Variants in IMPA2 observed in about 807,000 individuals in gnomAD.
The protein encoded by IMPA2 is IMP 2.
Under a neutral mutation model 35.1 loss-of-function variants are expected in IMPA2, and 32 were observed. The observed-to-expected ratio is 0.91, with a 90% CI of 0.69 to 1.23. The LOEUF is 1.23. Ranked by LOEUF, IMPA2 falls within the 50% of genes most tolerant of loss-of-function variation. The pLI, the probability that IMPA2 is intolerant of heterozygous loss-of-function variation, is 0.00. For missense variants in IMPA2, 334 were observed against 387.6 expected (o/e 0.86, Z 1.16); for synonymous variants, 135 against 160.6 (o/e 0.84, Z 1.20).
At chr18:12,009,753 T>C in intron 2 of IMPA2, 130 bp from the exon 3 acceptor site, 1 of 721,136 alleles carries the variant, frequency 1.4e-6, no homozygotes. Context: ...CTGCCTCTGT[T>C]TGACCCAGAG....
At chr18:11,988,915 G>C (rs1255400763) in intron 1 of IMPA2, among the ~76,000 whole-genome samples, 1 of 152,118 alleles carries the variant, frequency 6.6e-6, no homozygotes, top group Non-Finnish European at 1.5e-5. Context: ...TCTACCTCCT[G>C]GGCTCAAGTG....
At chr18:12,025,514 C>T (rs1172558189) in intron 5 of IMPA2, among the ~76,000 whole-genome samples, 1 of 152,220 alleles carries the variant, frequency 6.6e-6, no homozygotes, top group Admixed American at 6.5e-5. Context: ...TCCTGTTGCT[C>T]CACATCCTGG....
rs540965062 is a variant in IMPA2 at position 12,024,287 on chromosome 18, C to T, written c.491-3756C>T. The stretch of plus-strand genomic sequence containing the variant: ...TCACCTGAGATCAGCAGTTTGAGAC[C>T]AGCCTGACCAATATGGTGAAACTCT... On this transcript the variant is annotated intron_variant, in intron 5 of 7. Coordinates refer to ENST00000269159, the MANE Select transcript of IMPA2 (RefSeq NM_014214.3). Among the ~76,000 whole-genome samples the T allele has an allele frequency of 5.3e-5, 8 of 152,234 alleles. No individual in the cohort carries two copies. In the South Asian group the frequency reaches 1.7e-3, roughly 32 times the overall value.
intron 2 of IMPA2, among the ~76,000 whole-genome samples, chr18:12,002,116 T>G (rs1907131271): frequency 6.6e-6 from 1 of 152,230 alleles, no homozygotes; most frequent in African/African-American, 2.4e-5. Context: ...GGGATTTAAT[T>G]GTATTTTAGA....
At chr18:11,986,912 G>A (rs2143774247) in intron 1 of IMPA2, among the ~76,000 whole-genome samples, 1 of 152,366 alleles carries the variant, frequency 6.6e-6, no homozygotes, top group Admixed American at 6.5e-5. Context: ...GTAACTCATG[G>A]TTCAGCCCGG....
At chr18:12,018,321 C>T (rs1203870372) in intron 5 of IMPA2, 1 of 152,336 alleles carries the variant, frequency 6.6e-6, no homozygotes, top group Non-Finnish European at 1.5e-5. Flanking sequence ...GGGTCATGTC[C>T]TCTCTCTGTC....
In IMPA2 at chr18:11,984,014, C is replaced by A. The variant is rs149164030; in HGVS notation, c.96+2249C>A. ...CCCTTCACTAGCACCCAGCATTCTA[C>A]CACTCTGTTGTTCGCTGCTCTCAGC... On this transcript the variant is annotated intron_variant, in intron 1 of 7. Coordinates refer to ENST00000269159, the MANE Select transcript of IMPA2 (RefSeq NM_014214.3). 6.7e-3 allele frequency among the ~76,000 whole-genome samples: 1,015 copies of A among 152,228 alleles called. 9 individuals are homozygous for A. The highest frequency in any genetic ancestry group is 0.022 in the African/African-American group (930 of 41,532).
At chr18:12,008,457 T>C in intron 2 of IMPA2, 1 of 492,654 alleles carries the variant, frequency 2.0e-6, no homozygotes, top group South Asian at 1.5e-5. Flanking sequence ...GCCTCACCCT[T>C]AGTGAACTTG....
At chr18:12,008,585 G>A in intron 2 of IMPA2, 1 of 456,624 alleles carries the variant, frequency 2.2e-6, no homozygotes, top group Non-Finnish European at 4.4e-6. Context: ...GGACCAGCCT[G>A]CAGAAGGTGG....
At chr18:12,013,519 G>A (rs1907491013) in intron 4 of IMPA2, among the ~76,000 whole-genome samples, 1 of 152,188 alleles carries the variant, frequency 6.6e-6, no homozygotes, top group Non-Finnish European at 1.5e-5. Context: ...ATTTGGCCAG[G>A]GTGTTTTTTT....
chr18:11,983,835 A>G (rs1330166406), intron 1 of IMPA2, among the ~76,000 whole-genome samples: 2 of 152,116 alleles, frequency 1.3e-5, no homozygotes, highest in Non-Finnish European at 2.9e-5. Context: ...AGAGGGACAG[A>G]TTGTCTTCTA....
intron 5 of IMPA2, among the ~76,000 whole-genome samples, chr18:12,022,590 T>G (rs757741935): frequency 2.0e-5 from 3 of 146,744 alleles, no homozygotes; most frequent in Non-Finnish European, 4.5e-5. Flanking sequence ...ACCTAAGATA[T>G]GGTAAATATA....
At chr18:11,997,739 C>T (rs1907000858) in intron 1 of IMPA2, among the ~76,000 whole-genome samples, 4 of 152,098 alleles carry the variant, frequency 2.6e-5, no homozygotes, top group Admixed American at 2.6e-4. Flanking sequence ...GGGCACCTGG[C>T]CAATTGATGG....
At chr18:12,007,360 TGACTG>T (rs1448078201) in intron 2 of IMPA2, among the ~76,000 whole-genome samples, 1 of 152,214 alleles carries the variant, frequency 6.6e-6, no homozygotes, top group African/African-American at 2.4e-5. Context: ...CCATATGCGG[TGACTG>T]GCTACTGTAA....
chr18:11,983,457 G>C (rs1906565034), intron 1 of IMPA2, among the ~76,000 whole-genome samples: 1 of 152,184 alleles, frequency 6.6e-6, no homozygotes, highest in African/African-American at 2.4e-5. Context: ...AGGAGTTTCT[G>C]TGGTTTTCAA....
At position 12,030,526 on chromosome 18, in the gene IMPA2, T is replaced by G; in HGVS notation, c.*68T>G. The G allele has an allele frequency of 7.9e-7, 1 of 1,272,304 alleles. No individual in the cohort carries two copies. Among genetic ancestry groups the G allele is most frequent in the Admixed American group, 1.7e-5 (1 of 57,848 alleles). The allele number at this position is 1,272,304 out of a possible 1,614,324, so 78.8% of individuals were successfully genotyped here. On this transcript the variant is annotated 3_prime_UTR_variant, in exon 8 of 8. Transcript: ENST00000269159. ...CTGTGGGCTCCTGGGGAGGTGGCCC[T>G]CGTGGCCCACGCTCCATGCCAGTGG...
chr18:12,015,318 CCT>C (rs1405320412), intron 5 of IMPA2, among the ~76,000 whole-genome samples: 2 of 152,232 alleles, frequency 1.3e-5, no homozygotes. Context: ...CCACTTCCAG[CCT>C]CTCTTAAAAA....
At position 11,997,398 on chromosome 18, in the gene IMPA2, G is replaced by A. The variant is rs576184133; in HGVS notation, c.97-1656G>A. Among the ~76,000 whole-genome samples, 18 of 152,360 alleles carry A rather than the reference G, an allele frequency of 1.2e-4. No homozygotes were observed. In the East Asian group the frequency reaches 3.5e-3, roughly 29 times the overall value. ...AGGAATATGAAGTCCTGGAGTTATGGCTACCCAGTGGACATGGCTATGTGG... is the reference window on the plus strand; with the variant it reads ...AGGAATATGAAGTCCTGGAGTTATGACTACCCAGTGGACATGGCTATGTGG... On this transcript the variant is annotated intron_variant, in intron 1 of 7. Transcript: ENST00000269159.
intron 2 of IMPA2, 112 bp from the exon 3 acceptor site, chr18:12,009,771 G>A: frequency 1.3e-6 from 1 of 778,676 alleles, no homozygotes; most frequent in East Asian, 2.5e-5. Context: ...GAGAAACCAT[G>A]ATGACATCTG....
Sources: allele counts gnomAD v4.1 joint callset (sites outside exome capture counted in the v4.1 genomes callset), GRCh38; gene constraint gnomAD v4.1.1; transcripts MANE v1.5; gene names NCBI Gene and HGNC (gene_info 2026-07-23, HGNC 2026-07-21).